CA10: variants seen among roughly 807,000 people sequenced by gnomAD.
The protein encoded by CA10 is carbonic anhydrase-related protein 10.
CA10 carries 14 observed loss-of-function variants against 44.2 expected under a neutral mutation model. That is an observed-to-expected ratio of 0.32 (90% CI 0.21 to 0.50). CA10 has a LOEUF of 0.50. CA10 is among the 20% of genes least tolerant of loss of function. The pLI is 0.99. For missense variants in CA10, 350 were observed against 409.7 expected (o/e 0.85, Z 1.26); for synonymous variants, 159 against 141.6 (o/e 1.12, Z -0.87).
intron 3 of CA10, among the ~76,000 whole-genome samples, chr17:51,774,598 T>G (rs1485885232): frequency 6.6e-6 from 1 of 151,836 alleles, no homozygotes; most frequent in Non-Finnish European, 1.5e-5. Flanking sequence ...CACCACCACA[T>G]CCGGCTAATT....
chr17:51,770,285 T>C (rs998175554), intron 3 of CA10, among the ~76,000 whole-genome samples: 9 of 151,126 alleles, frequency 6.0e-5, no homozygotes, highest in Non-Finnish European at 1.0e-4. Flanking sequence ...CTCTAAATCA[T>C]AGTTATCTGT....
intron 1 of CA10, among the ~76,000 whole-genome samples, chr17:52,131,306 C>T (rs74255119): frequency 5.6e-5 from 8 of 142,374 alleles, no homozygotes; most frequent in Middle Eastern, 3.6e-3. Flanking sequence ...AACAGTGTTA[C>T]AAAATTTAAT....
chr17:51,811,315 G>T (rs1330293225), intron 3 of CA10, among the ~76,000 whole-genome samples: 2 of 151,890 alleles, frequency 1.3e-5, no homozygotes, highest in Non-Finnish European at 2.9e-5. Context: ...TATACTTTAA[G>T]TTCTAGGGTA....
At chr17:51,675,694 C>T (rs994668478) in intron 4 of CA10, among the ~76,000 whole-genome samples, 11 of 150,666 alleles carry the variant, frequency 7.3e-5, no homozygotes, top group African/African-American at 2.2e-4. Flanking sequence ...CCAGCCTGGG[C>T]GAAAGAGCAA....
chr17:51,675,484 G>C (rs1597978418), intron 4 of CA10, among the ~76,000 whole-genome samples: 1 of 151,720 alleles, frequency 6.6e-6, no homozygotes, highest in Non-Finnish European at 1.5e-5. Flanking sequence ...AGGAGGCAGA[G>C]GTTGCAGTGA....
chr17:51,816,997 A>T (rs1907587963), intron 3 of CA10, among the ~76,000 whole-genome samples: 1 of 152,212 alleles, frequency 6.6e-6, no homozygotes. Flanking sequence ...ATCTACTGAG[A>T]TATTGGAGAT....
chr17:51,783,857 T>TGAG (rs1906151732), intron 3 of CA10, among the ~76,000 whole-genome samples: 1 of 152,008 alleles, frequency 6.6e-6, no homozygotes, highest in South Asian at 2.1e-4. Flanking sequence ...AGAGCAGGTG[T>TGAG]GAGGGGGCCG....
intron 4 of CA10, among the ~76,000 whole-genome samples, chr17:51,720,967 T>C (rs1197698483): frequency 6.6e-6 from 1 of 152,240 alleles, no homozygotes; most frequent in African/African-American, 2.4e-5. Context: ...CTTTCTACAA[T>C]GTATGCCTAG....
At chr17:51,811,296 T>A (rs1296580550) in intron 3 of CA10, among the ~76,000 whole-genome samples, 2 of 98,654 alleles carry the variant, frequency 2.0e-5, no homozygotes, top group Non-Finnish European at 5.4e-5. Context: ...GAGTGGCTGA[T>A]TTTTTTATTA....
At chr17:51,784,066 A>AC (rs1275755661) in intron 3 of CA10, among the ~76,000 whole-genome samples, 14 of 151,538 alleles carry the variant, frequency 9.2e-5, no homozygotes, top group South Asian at 4.2e-4. Flanking sequence ...ATGGTACCTG[A>AC]CCCCCCTTCT....
chr17:51,749,127 A>G (rs561910731), intron 3 of CA10, among the ~76,000 whole-genome samples: 1 of 152,332 alleles, frequency 6.6e-6, no homozygotes, highest in Admixed American at 6.5e-5. Context: ...GACTGCATGG[A>G]GCTCATGTCA....
intron 2 of CA10, among the ~76,000 whole-genome samples, chr17:52,024,569 G>T (rs1364062916): frequency 2.6e-5 from 4 of 151,998 alleles, no homozygotes; most frequent in Non-Finnish European, 5.9e-5. Flanking sequence ...GAGGAAGGGA[G>T]CCAGGTGAAG....
At chr17:52,101,149 G>T (rs974938861) in intron 1 of CA10, among the ~76,000 whole-genome samples, 5 of 152,132 alleles carry the variant, frequency 3.3e-5, no homozygotes. Context: ...CATGTTGATG[G>T]CCTCCAGTAA....
At chr17:52,136,803 A>C (rs1462649100) in intron 1 of CA10, among the ~76,000 whole-genome samples, 1 of 152,174 alleles carries the variant, frequency 6.6e-6, no homozygotes, top group Non-Finnish European at 1.5e-5. Context: ...GACAGAAGAG[A>C]GTATATTTCA....
chr17:51,769,908 G>C (rs1905533871), intron 3 of CA10, among the ~76,000 whole-genome samples: 1 of 152,028 alleles, frequency 6.6e-6, no homozygotes, highest in Non-Finnish European at 1.5e-5. Context: ...AAATATGGGG[G>C]TCCATTTATG....
intron 3 of CA10, among the ~76,000 whole-genome samples, chr17:51,819,897 GA>G (rs1907697734): frequency 6.6e-6 from 1 of 151,922 alleles, no homozygotes; most frequent in Non-Finnish European, 1.5e-5. Flanking sequence ...TCTGTTTCTC[GA>G]TTTCTCTGTC....
chr17:51,725,376 T>G (rs1526179), intron 4 of CA10, among the ~76,000 whole-genome samples: 98,973 of 152,162 alleles, frequency 0.65, 32,432 homozygotes, highest in Admixed American at 0.73. Flanking sequence ...TTCCTCTTTT[T>G]TAGTTTCACT....
intron 2 of CA10, among the ~76,000 whole-genome samples, chr17:52,010,571 T>C (rs1392754884): frequency 6.6e-6 from 1 of 151,740 alleles, no homozygotes; most frequent in East Asian, 2.0e-4. Flanking sequence ...AGAACTAACC[T>C]ATGAGGACAC....
chr17:51,994,500 T>A (rs1985158451), intron 2 of CA10, among the ~76,000 whole-genome samples: 1 of 152,028 alleles, frequency 6.6e-6, no homozygotes, highest in Non-Finnish European at 1.5e-5. Context: ...AGAGACAGTA[T>A]GAAATGAGAT....
Sources: allele counts gnomAD v4.1 joint callset (sites outside exome capture counted in the v4.1 genomes callset), GRCh38; gene constraint gnomAD v4.1.1; transcripts MANE v1.5; gene names NCBI Gene and HGNC (gene_info 2026-07-23, HGNC 2026-07-21).